Variants in ACACA observed in about 807,000 individuals in gnomAD.
The protein encoded by ACACA is acetyl-CoA carboxylase alpha, also known as acetyl-CoA carboxylase 1.
A neutral mutation model predicts 296.1 loss-of-function variants in ACACA; 103 were observed. The observed-to-expected ratio is 0.35, with a 90% CI of 0.30 to 0.41. ACACA has a LOEUF of 0.41. ACACA is among the 10% of genes least tolerant of loss of function. The probability of loss-of-function intolerance (pLI) is 1.00; values close to 1 mark genes in which losing one functional copy is unlikely to be tolerated. For missense variants in ACACA, 1,554 were observed against 2,989.7 expected (o/e 0.52, Z 11.20); for synonymous variants, 953 against 1,038.6 (o/e 0.92, Z 1.58).
Position 37,272,411 on chromosome 17 carries a change from T to C in ACACA, c.1009-1550A>G, listed in dbSNP as rs2082108797. Among the ~76,000 whole-genome samples, 3 of 152,314 alleles carry C rather than the reference T, an allele frequency of 2.0e-5. No homozygotes were observed. In the South Asian group the frequency reaches 6.2e-4, roughly 32 times the overall value. ...TCAATTTTTAATCTATGTCAATCGA[T>C]TACTTAATGAATGAAAATCTTTTAT... On this transcript the variant is annotated intron_variant, in intron 9 of 55. Coordinates refer to ENST00000616317, the MANE Select transcript of ACACA (RefSeq NM_198834.3).
chr17:37,382,307 C>T (rs890631814), intron 1 of ACACA, among the ~76,000 whole-genome samples: 1 of 151,926 alleles, frequency 6.6e-6, no homozygotes, highest in Non-Finnish European at 1.5e-5. Flanking sequence ...CCTGAAGTTT[C>T]TCTCCTTCTG....
intron 16 of ACACA, among the ~76,000 whole-genome samples, chr17:37,249,173 T>A (rs1393652768): frequency 6.6e-6 from 1 of 152,234 alleles, no homozygotes; most frequent in African/African-American, 2.4e-5. Context: ...ACCTATGTTT[T>A]AGCATGTGTC....
chr17:37,085,541 TAGCC>T lies in ACACA; in HGVS notation c.*1771_*1774del. ...ATCCAATTCTTACTAGGTAAGCAAA[TAGCC>T]AGCAATGGTCAATGCATTTTCCTGG... On this transcript the variant is annotated 3_prime_UTR_variant, in exon 56 of 56. Transcript: ENST00000616317. 1 of 398,488 alleles carries T rather than the reference TAGCC, an allele frequency of 2.5e-6. No individual in the cohort carries two copies. Among genetic ancestry groups the T allele is most frequent in the Non-Finnish European group, 4.4e-6 (1 of 226,060 alleles). 24.7% of individuals were successfully genotyped at this position (398,488 alleles called of 1,614,324 possible).
intron 51 of ACACA, among the ~76,000 whole-genome samples, chr17:37,112,722 A>C (rs1354836391): frequency 2.0e-5 from 3 of 152,162 alleles, no homozygotes; most frequent in African/African-American, 7.2e-5. Context: ...CACTAAAACG[A>C]CTGGAGGTAA....
At position 37,230,929 on chromosome 17, in the gene ACACA, T is replaced by C. The variant is rs544365776; in HGVS notation, c.3246+4046A>G. On this transcript the variant is annotated intron_variant, in intron 25 of 55. Coordinates refer to ENST00000616317, the MANE Select transcript of ACACA (RefSeq NM_198834.3). Reference sequence around the variant, plus strand: ...CCACCAACCAAAGGTCTGTTCCAACTGTCCAGAGTCATAAAACGAAGTGAA... The same window carrying C: ...CCACCAACCAAAGGTCTGTTCCAACCGTCCAGAGTCATAAAACGAAGTGAA... Among the ~76,000 whole-genome samples the C allele has an allele frequency of 7.2e-5, 11 of 152,374 alleles. No homozygotes were observed. The South Asian group carries it at 2.3e-3, about 32-fold the overall frequency.
Position 37,162,062 on chromosome 17 carries a change from T to C in ACACA, c.5080-12A>G, listed in dbSNP as rs1567743776. On this transcript the variant is annotated splice_polypyrimidine_tract_variant and intron_variant, in intron 41 of 55. Transcript: ENST00000616317. ...GCTACCATGCCAATCTGGAAAGGCATAAACAAACAAATGAACAGAAGTTTC... is the reference window on the plus strand; with the variant it reads ...GCTACCATGCCAATCTGGAAAGGCACAAACAAACAAATGAACAGAAGTTTC... The C allele has an allele frequency of 3.1e-6, 5 of 1,614,114 alleles. No homozygotes were observed. The highest frequency in any genetic ancestry group is 4.2e-6 in the Non-Finnish European group (5 of 1,180,012).
Position 37,246,715 on chromosome 17 carries a change from A to G in ACACA, c.2460+111T>C, listed in dbSNP as rs2080723463. On this transcript the variant is annotated intron_variant, in intron 19 of 55. Transcript: ENST00000616317. ...CCCAAAGTGGTAGGATTACAGGCAC[A>G]AGCCACTGTGCCCAGCCTCCTTTCT... 3.5e-6 allele frequency: 5 copies of G among 1,429,552 alleles called. No homozygotes were observed. In the Admixed American group the frequency reaches 8.5e-5, roughly 24 times the overall value. The allele number at this position is 1,429,552 out of a possible 1,614,324, so 88.6% of individuals were successfully genotyped here.
At chr17:37,258,082 T>C (rs2146202092) in intron 13 of ACACA, 130 bp downstream of exon 13, 2 of 1,245,250 alleles carry the variant, frequency 1.6e-6, no homozygotes, top group South Asian at 1.4e-5. Flanking sequence ...TTTACTTATC[T>C]GCTCTGAGAA....
Position 37,286,066 on chromosome 17 carries a change from T to C in ACACA, c.339-1096A>G, listed in dbSNP as rs551502171. Among the ~76,000 whole-genome samples, 32 of 152,200 alleles carry C rather than the reference T, an allele frequency of 2.1e-4. No individual in the cohort carries two copies. The East Asian group carries it at 6.2e-3, about 29-fold the overall frequency. On this transcript the variant is annotated intron_variant, in intron 3 of 55. Coordinates refer to ENST00000616317, the MANE Select transcript of ACACA (RefSeq NM_198834.3). Reference sequence around the variant, plus strand: ...CACCACACCTGGCTAATTTTTGTATTTTTAGTAGAGACAAGGTTTCGCCAT... The same window carrying C: ...CACCACACCTGGCTAATTTTTGTATCTTTAGTAGAGACAAGGTTTCGCCAT...
chr17:37,239,428 G>T (rs897338110), intron 24 of ACACA, among the ~76,000 whole-genome samples: 1 of 152,126 alleles, frequency 6.6e-6, no homozygotes, highest in Non-Finnish European at 1.5e-5. Context: ...GTGACAGCAG[G>T]CATCCTTGTC....
intron 8 of ACACA, among the ~76,000 whole-genome samples, 194 bp downstream of exon 8, chr17:37,275,757 G>A (rs2082261789): frequency 2.0e-5 from 3 of 152,144 alleles, no homozygotes; most frequent in Admixed American, 1.3e-4. Context: ...TAGCATCTGT[G>A]TACCTGGAAC....
intron 1 of ACACA, chr17:37,379,074 A>G (rs1335769228): frequency 6.5e-7 from 1 of 1,530,366 alleles, no homozygotes; most frequent in Non-Finnish European, 8.8e-7. Flanking sequence ...ACCGTCTCAA[A>G]AAAACCAACC....
chr17:37,155,830 T>C, intron 42 of ACACA, 50 bp from the exon 43 acceptor site: 1 of 1,239,620 alleles, frequency 8.1e-7, no homozygotes, highest in East Asian at 2.3e-5. Flanking sequence ...TGTCATATAA[T>C]CAGAAGATAC....
intron 45 of ACACA, among the ~76,000 whole-genome samples, chr17:37,148,856 T>C (rs2075923083): frequency 6.6e-6 from 1 of 152,114 alleles, no homozygotes; most frequent in African/African-American, 2.4e-5. Flanking sequence ...GCATGCCCAG[T>C]AGAACTAGGT....
At chr17:37,219,724 TTATAA>T (rs375036993) in intron 29 of ACACA, among the ~76,000 whole-genome samples, 336 of 148,532 alleles carry the variant, frequency 2.3e-3, no homozygotes, top group East Asian at 0.014. Context: ...TTTTCATATA[TTATAA>T]TATATTATGT....
Position 37,131,916 on chromosome 17 carries a change from G to A in ACACA, c.5680-1698C>T, listed in dbSNP as rs1395258639. On this transcript the variant is annotated intron_variant, in intron 45 of 55. Transcript: ENST00000616317. ...CTGGCAGCTCCTTTGAAGGAGCCTC[G>A]TGAAGAGGGAAGACGGTATCTGACC... Among the ~76,000 whole-genome samples, 4 of 152,358 alleles carry A rather than the reference G, an allele frequency of 2.6e-5. No homozygotes were observed. In the East Asian group the frequency reaches 7.7e-4, roughly 29 times the overall value.
intron 43 of ACACA, among the ~76,000 whole-genome samples, chr17:37,154,182 C>T (rs1432761461): frequency 6.6e-6 from 1 of 152,114 alleles, no homozygotes; most frequent in Non-Finnish European, 1.5e-5. Context: ...TGGCACCTGT[C>T]TATAGTCCCA....
intron 54 of ACACA, 141 bp downstream of exon 54, chr17:37,096,855 G>T (rs2073023297): frequency 2.0e-6 from 2 of 989,804 alleles, no homozygotes; most frequent in South Asian, 2.6e-5. Context: ...GAGTAGCTGG[G>T]GGAGGAAACA....
chr17:37,102,512 C>T (rs2073425178), intron 52 of ACACA, among the ~76,000 whole-genome samples: 1 of 152,126 alleles, frequency 6.6e-6, no homozygotes, highest in Admixed American at 6.5e-5. Flanking sequence ...GCATCCAGCT[C>T]TTAAGTGGCA....
Sources: allele counts gnomAD v4.1 joint callset (sites outside exome capture counted in the v4.1 genomes callset), GRCh38; gene constraint gnomAD v4.1.1; transcripts MANE v1.5; gene names NCBI Gene and HGNC (gene_info 2026-07-23, HGNC 2026-07-21).